THRAP3: variants seen among roughly 807,000 people sequenced by gnomAD.
The protein encoded by THRAP3 is thyroid hormone receptor-associated protein 3.
Under a neutral mutation model 101.0 loss-of-function variants are expected in THRAP3, and 16 were observed. The ratio of observed to expected loss-of-function variants is 0.16; its 90% CI spans 0.11 to 0.24. THRAP3 has a LOEUF of 0.24. THRAP3 is among the 10% of genes least tolerant of loss of function. THRAP3 has a pLI of 1.00. For missense variants in THRAP3, 989 were observed against 1,202.7 expected (o/e 0.82, Z 2.63); for synonymous variants, 407 against 422.6 (o/e 0.96, Z 0.45).
At chr1:36,265,193 T>C (rs1477261301) in intron 2 of THRAP3, among the ~76,000 whole-genome samples, 3 of 152,212 alleles carry the variant, frequency 2.0e-5, no homozygotes, top group Non-Finnish European at 4.4e-5. Context: ...ACATCTTACA[T>C]TAGTATGGTA....
intron 1 of THRAP3, among the ~76,000 whole-genome samples, chr1:36,229,109 A>G (rs1179713893): frequency 6.6e-6 from 1 of 151,614 alleles, no homozygotes; most frequent in African/African-American, 2.4e-5. Flanking sequence ...ATTTTTTTTT[A>G]TTTTTTGAGA....
intron 1 of THRAP3, among the ~76,000 whole-genome samples, chr1:36,240,611 T>C (rs1048138413): frequency 2.6e-5 from 4 of 152,192 alleles, no homozygotes; most frequent in Admixed American, 1.3e-4. Flanking sequence ...CCCAGGAACA[T>C]TGCCTCAGCC....
chr1:36,296,698 G>A lies in THRAP3; in HGVS notation c.2231G>A (p.Arg744Gln), dbSNP rs772230476. The A allele has an allele frequency of 6.2e-6, 10 of 1,610,436 alleles. No homozygotes were observed. The highest frequency in any genetic ancestry group is 4.5e-5 in the East Asian group (2 of 44,790). Residue 744 changes from arginine to glutamine, a missense_variant, in exon 9 of 12, where the codon CGA becomes CAA. Transcript: ENST00000354618. ...AAATCGAGAGAATCAGTGGATTCCC[G>A]AGACTCCAGTCACTCAAGGGAAAGG... is the stretch of plus-strand genomic sequence containing the variant. ...RGKSRESVDS[R>Q]DSSHSRERSA...
chr1:36,289,084 G>A lies in THRAP3; in HGVS notation c.1065G>A (p.Glu355=). ...GGTATCTAGAAGAGCAGAAGACAGA[G>A]AATGGAAAAGATAAGGAACAGAAAC... is the stretch of plus-strand genomic sequence containing the variant. The part of the protein sequence containing the change: ...TKRYLEEQKT[E]NGKDKEQKQT... The change falls in exon 5 of 12, where the codon GAG becomes GAA. Residue 355 remains glutamate (E), a synonymous_variant. Transcript: ENST00000354618. 1 of 1,594,582 alleles carries A rather than the reference G, an allele frequency of 6.3e-7. No homozygotes were observed. Among genetic ancestry groups the A allele is most frequent in the Non-Finnish European group, 8.5e-7 (1 of 1,173,418 alleles).
chr1:36,297,573 T>C (rs895865195), intron 9 of THRAP3, among the ~76,000 whole-genome samples: 19 of 150,822 alleles, frequency 1.3e-4, no homozygotes, highest in Non-Finnish European at 2.4e-4. Context: ...CTCAGCCTCC[T>C]GAGTAGCTGG....
chr1:36,227,575 G>A (rs1482766980), intron 1 of THRAP3, among the ~76,000 whole-genome samples: 1 of 152,076 alleles, frequency 6.6e-6, no homozygotes, highest in African/African-American at 2.4e-5. Context: ...AAGCTACTGC[G>A]CCCAGCCTAC....
chr1:36,264,177 T>C (rs1201056084), intron 2 of THRAP3, among the ~76,000 whole-genome samples: 1 of 152,186 alleles, frequency 6.6e-6, no homozygotes, highest in Non-Finnish European at 1.5e-5. Flanking sequence ...CTCCTTCTTG[T>C]AGGCAGGTTT....
At chr1:36,223,054 G>A (rs971113796), upstream of THRAP3, among the ~76,000 whole-genome samples, 1 of 152,128 alleles carries the variant, frequency 6.6e-6, no homozygotes, top group African/African-American at 2.4e-5. Context: ...TTGAACCTGG[G>A]AGGCAGATGT....
At chr1:36,256,188 G>GATTATT (rs141623060) in intron 1 of THRAP3, among the ~76,000 whole-genome samples, 4,356 of 135,866 alleles carry the variant, frequency 0.032, 114 homozygotes, top group East Asian at 0.11. Context: ...GGCCTGCCTG[G>GATTATT]ATTATTATTA....
chr1:36,230,793 C>T (rs922411345), intron 1 of THRAP3, among the ~76,000 whole-genome samples: 2 of 152,166 alleles, frequency 1.3e-5, no homozygotes, highest in African/African-American at 4.8e-5. Flanking sequence ...GATATATTTT[C>T]TTTGGCTCAT....
rs147615923 is a variant in THRAP3, at chr1:36,299,162, C to T, written c.2304-1724C>T. On this transcript the variant is annotated intron_variant, in intron 9 of 11. Transcript: ENST00000354618. ...ACAGCTAATAAGAGACAATGCTGGC[C>T]GGATGCGGTGGCTCACGCCTGTAAT... Among the ~76,000 whole-genome samples the T allele has an allele frequency of 9.7e-3, 1,463 of 151,384 alleles. 16 individuals carry two copies. The highest frequency in any genetic ancestry group is 0.034 in the African/African-American group (1,402 of 41,396).
intron 9 of THRAP3, among the ~76,000 whole-genome samples, chr1:36,297,413 T>G (rs1415571039): frequency 6.6e-6 from 1 of 152,060 alleles, no homozygotes; most frequent in African/African-American, 2.4e-5. Flanking sequence ...GAAGCAACAC[T>G]TCTGCTGATT....
At chr1:36,209,670 G>A in the THRAP3 span, among the ~76,000 whole-genome samples, 4 of 152,172 alleles carry the variant, frequency 2.6e-5, no homozygotes, top group Non-Finnish European at 4.4e-5. Flanking sequence ...CCAGGCTCTT[G>A]CTTCTGATGC....
chr1:36,252,212 G>A (rs1049546540), intron 1 of THRAP3, among the ~76,000 whole-genome samples: 10 of 152,108 alleles, frequency 6.6e-5, no homozygotes, highest in Admixed American at 3.9e-4. Flanking sequence ...TGCAACCTCC[G>A]CTTCCCGGGT....
At chr1:36,249,537 A>G (rs936941773) in intron 1 of THRAP3, among the ~76,000 whole-genome samples, 5 of 152,188 alleles carry the variant, frequency 3.3e-5, no homozygotes, top group Non-Finnish European at 5.9e-5. Flanking sequence ...TGGGAGAGAC[A>G]GTTAATTACA....
chr1:36,296,308 A>T (rs1200359123), intron 8 of THRAP3, among the ~76,000 whole-genome samples: 1 of 152,122 alleles, frequency 6.6e-6, no homozygotes, highest in Non-Finnish European at 1.5e-5. Flanking sequence ...CAGAGTCATT[A>T]CTGGGCCAGA....
Position 36,259,409 on chromosome 1 carries a change from A to G in THRAP3, c.-107A>G. On this transcript the variant is annotated 5_prime_UTR_variant, in exon 2 of 12. Coordinates refer to ENST00000354618, the MANE Select transcript of THRAP3 (RefSeq NM_005119.4). ...GTGTATGCTGACTTGTAAAGTGAAGAAGCCAGTGGTGCTGCGGGTGTTCTT... is the reference window on the plus strand; with the variant it reads ...GTGTATGCTGACTTGTAAAGTGAAGGAGCCAGTGGTGCTGCGGGTGTTCTT... 1 of 398,674 alleles carries G rather than the reference A, an allele frequency of 2.5e-6. No individual in the cohort carries two copies. The highest frequency in any genetic ancestry group is 4.4e-6 in the Non-Finnish European group (1 of 226,058). 24.7% of individuals were successfully genotyped at this position (398,674 alleles called of 1,614,324 possible).
At chr1:36,238,025 G>T (rs187240910) in intron 1 of THRAP3, among the ~76,000 whole-genome samples, 25 of 152,042 alleles carry the variant, frequency 1.6e-4, no homozygotes, top group Middle Eastern at 3.4e-3. Context: ...TAATAGAGAC[G>T]GGTTTCACCG....
At chr1:36,263,503 A>G (rs1645474370) in intron 2 of THRAP3, among the ~76,000 whole-genome samples, 1 of 152,206 alleles carries the variant, frequency 6.6e-6, no homozygotes, top group Non-Finnish European at 1.5e-5. Context: ...ACAGGTCGTT[A>G]GTTAATATAG....
Sources: allele counts gnomAD v4.1 joint callset (sites outside exome capture counted in the v4.1 genomes callset), GRCh38; gene constraint gnomAD v4.1.1; transcripts MANE v1.5; gene names NCBI Gene and HGNC (gene_info 2026-07-23, HGNC 2026-07-21).